Variants in NCKAP5 observed in about 807,000 individuals in gnomAD.
The protein encoded by NCKAP5 is NCK associated protein 5.
A neutral mutation model predicts 167.0 loss-of-function variants in NCKAP5; 92 were observed. That is an observed-to-expected ratio of 0.55 (90% CI 0.47 to 0.66). The LOEUF is 0.66. Ranked by LOEUF, NCKAP5 falls within the 30% of genes least tolerant of loss-of-function variation. The pLI is 0.00. For missense variants in NCKAP5, 2,378 were observed against 2,315.0 expected (o/e 1.03, Z -0.56); for synonymous variants, 891 against 877.4 (o/e 1.02, Z -0.27).
the NCKAP5 span, among the ~76,000 whole-genome samples, chr2:133,617,118 A>G: frequency 6.6e-6 from 1 of 152,202 alleles, no homozygotes; most frequent in African/African-American, 2.4e-5. Context: ...CATGCTAAAA[A>G]CTCTCAATAA....
At chr2:133,021,158 T>C (rs1395757506) in intron 6 of NCKAP5, among the ~76,000 whole-genome samples, 1 of 152,182 alleles carries the variant, frequency 6.6e-6, no homozygotes, top group African/African-American at 2.4e-5. Flanking sequence ...CCATGCACTA[T>C]GCATTTTAAC....
At chr2:133,283,138 G>C (rs1404388014) in intron 4 of NCKAP5, among the ~76,000 whole-genome samples, 4 of 152,186 alleles carry the variant, frequency 2.6e-5, no homozygotes, top group Non-Finnish European at 5.9e-5. Flanking sequence ...TATGGAATTT[G>C]GGAATGCATT....
At chr2:132,957,343 C>T (rs72994873) in intron 8 of NCKAP5, among the ~76,000 whole-genome samples, 2,935 of 152,192 alleles carry the variant, frequency 0.019, 104 homozygotes, top group African/African-American at 0.067. Flanking sequence ...TCCTAATAGA[C>T]CTTACTTCTG....
intron 6 of NCKAP5, chr2:133,123,661 G>C: frequency 2.4e-6 from 1 of 408,666 alleles, no homozygotes; most frequent in South Asian, 1.8e-5. Context: ...GCACTCAGGA[G>C]AGCCAGCCTC....
chr2:133,445,962 T>C (rs182061481), intron 3 of NCKAP5, among the ~76,000 whole-genome samples: 34 of 152,292 alleles, frequency 2.2e-4, no homozygotes, highest in Admixed American at 1.4e-3. Context: ...CCACTGTGTG[T>C]GTGTTTGTGG....
At chr2:133,208,941 T>C (rs79690447) in intron 5 of NCKAP5, among the ~76,000 whole-genome samples, 7,774 of 152,226 alleles carry the variant, frequency 0.051, 616 homozygotes, top group African/African-American at 0.17. Flanking sequence ...ATTTGTAATA[T>C]GGTAAGGGTA....
At chr2:133,519,246 A>G (rs1684277596) in intron 2 of NCKAP5, among the ~76,000 whole-genome samples, 1 of 152,228 alleles carries the variant, frequency 6.6e-6, no homozygotes, top group African/African-American at 2.4e-5. Flanking sequence ...TCTTACTTTC[A>G]AGAACACTAA....
intron 6 of NCKAP5, among the ~76,000 whole-genome samples, chr2:133,045,693 T>C (rs777002231): frequency 1.4e-4 from 21 of 152,170 alleles, no homozygotes; most frequent in Non-Finnish European, 2.5e-4. Context: ...TAAGGCACAG[T>C]AAGAGATTAA....
rs1430476135 is a variant in NCKAP5 at position 133,211,548 on chromosome 2, C to T, written c.207+2168G>A. ...TCCTATAACTACCAAACTCCCCTAC[C>T]CTGCTCTTTTATTTTCTCATAGCTG... On this transcript the variant is annotated intron_variant, in intron 5 of 19. Coordinates refer to ENST00000409261, the MANE Select transcript of NCKAP5 (RefSeq NM_207363.3). 5.3e-5 allele frequency among the ~76,000 whole-genome samples: 8 copies of T among 152,206 alleles called. 1 individual carries two copies. The highest frequency in any genetic ancestry group is 1.9e-4 in the African/African-American group (8 of 41,516).
intron 7 of NCKAP5, among the ~76,000 whole-genome samples, chr2:132,992,777 C>T (rs2077484067): frequency 6.6e-6 from 1 of 152,162 alleles, no homozygotes; most frequent in African/African-American, 2.4e-5. Context: ...AAGCCCTTTC[C>T]CTAGAAATTG....
At chr2:132,844,260 G>C (rs1460947390) in intron 11 of NCKAP5, among the ~76,000 whole-genome samples, 3 of 151,890 alleles carry the variant, frequency 2.0e-5, no homozygotes, top group Non-Finnish European at 4.4e-5. Context: ...ATATTATCTT[G>C]ATTTGCTTTT....
At chr2:132,688,039 C>T (rs1686196295) in intron 19 of NCKAP5, among the ~76,000 whole-genome samples, 1 of 152,180 alleles carries the variant, frequency 6.6e-6, no homozygotes, top group African/African-American at 2.4e-5. Context: ...ACAAAACACC[C>T]TTGGCTTCCA....
chr2:133,111,425 C>A (rs1043006984), intron 6 of NCKAP5, among the ~76,000 whole-genome samples: 1 of 152,166 alleles, frequency 6.6e-6, no homozygotes, highest in South Asian at 2.1e-4. Context: ...ATTCCCAGAA[C>A]CAATGGAGAG....
At position 132,783,963 on chromosome 2, in the gene NCKAP5, C is replaced by A; in HGVS notation, c.2848G>T (p.Ala950Ser). Residue 950 changes from alanine to serine, a missense_variant, in exon 14 of 20, where the codon GCA becomes TCA. Ala to Ser is a moderately conservative substitution (Grantham distance 99). Around this residue, in one of 3 missense-constraint regions of NCKAP5, gnomAD observed 1,325 missense variants for 1,274.5 expected, o/e 1.04. Transcript: ENST00000409261. ...GTTTCGGACTTGGTGGATGAAGGTG[C>A]TGGTGAATAGTCATAGCTGGGCCTG... is the stretch of plus-strand genomic sequence containing the variant. The part of the protein sequence containing the change: ...LARPSYDYSP[A>S]PSSTKSETRV... 6.3e-7 allele frequency: 1 copy of A among 1,596,600 alleles called. No homozygotes were observed. Among genetic ancestry groups the A allele is most frequent in the Admixed American group, 1.8e-5 (1 of 56,458 alleles).
At chr2:133,171,328 C>T (rs372904851) in intron 5 of NCKAP5, among the ~76,000 whole-genome samples, 1 of 152,146 alleles carries the variant, frequency 6.6e-6, no homozygotes, top group Non-Finnish European at 1.5e-5. Flanking sequence ...TGAGTAGAAA[C>T]GTGGTCTTCA....
intron 3 of NCKAP5, among the ~76,000 whole-genome samples, chr2:133,408,808 G>C (rs1000685840): frequency 6.6e-6 from 1 of 152,174 alleles, no homozygotes; most frequent in African/African-American, 2.4e-5. Context: ...CCTCCACCTT[G>C]AGAACCTCGT....
At chr2:133,558,687 A>G (rs957727829) in intron 2 of NCKAP5, among the ~76,000 whole-genome samples, 1 of 128,564 alleles carries the variant, frequency 7.8e-6, no homozygotes, top group African/African-American at 3.0e-5. Flanking sequence ...TCACATAAAC[A>G]GATGCAATGT....
the NCKAP5 span, among the ~76,000 whole-genome samples, chr2:133,593,157 G>C: frequency 2.0e-5 from 3 of 152,078 alleles, no homozygotes; most frequent in Admixed American, 6.5e-5. Context: ...TTCACAAGAG[G>C]AACCCAGAAC....
chr2:132,679,842 T>C (rs1377951084), intron 19 of NCKAP5, among the ~76,000 whole-genome samples: 1 of 152,122 alleles, frequency 6.6e-6, no homozygotes, highest in Non-Finnish European at 1.5e-5. Context: ...TGAGGAGGTA[T>C]TTTAAGCCAA....
Sources: allele counts gnomAD v4.1 joint callset (sites outside exome capture counted in the v4.1 genomes callset), GRCh38; gene constraint gnomAD v4.1.1; regional missense constraint gnomAD v4.1.1; transcripts MANE v1.5; gene names NCBI Gene and HGNC (gene_info 2026-07-23, HGNC 2026-07-21).